FBXL13: variants seen among roughly 807,000 people sequenced by gnomAD.
The protein encoded by FBXL13 is F-box and leucine-rich repeat protein 13.
In FBXL13, 67 loss-of-function variants were observed where a neutral mutation model predicts 83.6. The observed-to-expected ratio is 0.80, with a 90% CI of 0.66 to 0.98. FBXL13 has a LOEUF of 0.98. FBXL13 is among the 50% of genes least tolerant of loss of function. The pLI is 0.00. For synonymous variants in FBXL13, 272 were observed against 299.5 expected, an observed-to-expected ratio of 0.91 and a Z score of 0.95; for missense variants, 822 against 866.5, an observed-to-expected ratio of 0.95 and a Z score of 0.64.
At chr7:102,890,717 C>T (rs532734796) in intron 11 of FBXL13, among the ~76,000 whole-genome samples, 88 of 152,342 alleles carry the variant, frequency 5.8e-4, no homozygotes, top group African/African-American at 2.0e-3. Flanking sequence ...GGGATGATAA[C>T]ATCATATGAA....
chr7:102,915,639 C>T (rs531891614), intron 10 of FBXL13, among the ~76,000 whole-genome samples: 1 of 152,078 alleles, frequency 6.6e-6, no homozygotes, highest in East Asian at 1.9e-4. Context: ...GGTCTCTGGC[C>T]CCTTTCTTGG....
chr7:102,910,535 C>T (rs1418217497), intron 11 of FBXL13, among the ~76,000 whole-genome samples: 1 of 151,964 alleles, frequency 6.6e-6, no homozygotes, highest in Non-Finnish European at 1.5e-5. Context: ...GGGCTCTCAA[C>T]TGTAAATAGC....
At chr7:102,981,626 A>G (rs532431835) in intron 6 of FBXL13, among the ~76,000 whole-genome samples, 3 of 152,320 alleles carry the variant, frequency 2.0e-5, no homozygotes, top group African/African-American at 7.2e-5. Flanking sequence ...GAGGCCTAAG[A>G]TAAAGTCTCC....
downstream of FBXL13, among the ~76,000 whole-genome samples, chr7:102,812,944 G>C (rs1335473668): frequency 6.7e-6 from 1 of 150,024 alleles, no homozygotes; most frequent in African/African-American, 2.5e-5. Flanking sequence ...TCAGGTTCAA[G>C]CAAGTCCCCT....
intron 2 of FBXL13, among the ~76,000 whole-genome samples, chr7:103,034,984 G>C (rs189241252): frequency 6.6e-5 from 10 of 152,308 alleles, no homozygotes; most frequent in Admixed American, 5.9e-4. Context: ...TTTAAGTATT[G>C]CCACAAAGTG....
At chr7:102,948,403 T>G (rs1343985948) in intron 8 of FBXL13, among the ~76,000 whole-genome samples, 1 of 151,944 alleles carries the variant, frequency 6.6e-6, no homozygotes, top group Non-Finnish European at 1.5e-5. Context: ...GTCTGTGCCC[T>G]CATCTGCCTT....
intron 6 of FBXL13, among the ~76,000 whole-genome samples, chr7:102,998,803 CAAATA>C (rs1439141064): frequency 6.6e-6 from 1 of 151,578 alleles, no homozygotes; most frequent in African/African-American, 2.4e-5. Context: ...TCCATCTCTA[CAAATA>C]AAATAATAAC....
chr7:102,822,126 C>T (rs80080521), exon 19 of FBXL13: 7 of 1,614,078 alleles, frequency 4.3e-6, no homozygotes, highest in East Asian at 2.2e-5. Flanking sequence ...GGTCAGTAAG[C>T]AAGACACAAC....
At chr7:102,877,002 T>C (rs1809363356) in intron 16 of FBXL13, among the ~76,000 whole-genome samples, 1 of 152,202 alleles carries the variant, frequency 6.6e-6, no homozygotes, top group African/African-American at 2.4e-5. Context: ...CCCTGATGAA[T>C]ACAATCAGCA....
chr7:102,967,522 C>T (rs1826117347), intron 7 of FBXL13, among the ~76,000 whole-genome samples: 1 of 152,210 alleles, frequency 6.6e-6, no homozygotes, highest in Non-Finnish European at 1.5e-5. Flanking sequence ...ATCTGCCCAC[C>T]TTGACCTTCC....
intron 8 of FBXL13, among the ~76,000 whole-genome samples, chr7:102,935,951 A>G (rs1820222714): frequency 6.6e-6 from 1 of 152,106 alleles, no homozygotes; most frequent in African/African-American, 2.4e-5. Flanking sequence ...GAATTTATTA[A>G]TGTTGTCAGG....
intron 17 of FBXL13, among the ~76,000 whole-genome samples, chr7:102,853,435 A>G (rs1194200557): frequency 1.3e-5 from 2 of 152,204 alleles, no homozygotes; most frequent in African/African-American, 4.8e-5. Flanking sequence ...AAACCTAGGC[A>G]TTACCATTCA....
intron 1 of FBXL13, among the ~76,000 whole-genome samples, chr7:103,071,314 C>T (rs779683851): frequency 2.4e-4 from 37 of 152,092 alleles, no homozygotes; most frequent in Admixed American, 8.5e-4. Flanking sequence ...TTTTCTAAAA[C>T]GGATGAAAAA....
intron 1 of FBXL13, among the ~76,000 whole-genome samples, chr7:103,065,314 T>C (rs1446486783): frequency 6.6e-6 from 1 of 152,238 alleles, no homozygotes; most frequent in African/African-American, 2.4e-5. Flanking sequence ...CATCTATATA[T>C]CTACCCATTT....
intron 6 of FBXL13, chr7:102,978,655 G>A: frequency 4.2e-6 from 1 of 235,858 alleles, no homozygotes; most frequent in South Asian, 6.4e-5. Flanking sequence ...CATTAAAACA[G>A]CGTGTTGCTC....
At chr7:102,938,888 G>A (rs1820842790) in intron 8 of FBXL13, among the ~76,000 whole-genome samples, 1 of 152,146 alleles carries the variant, frequency 6.6e-6, no homozygotes. Context: ...TTTTACCCAG[G>A]ACTGCTGCTG....
At chr7:102,870,789 G>T (rs1031779143) in intron 16 of FBXL13, among the ~76,000 whole-genome samples, 6 of 152,078 alleles carry the variant, frequency 3.9e-5, no homozygotes, top group South Asian at 2.1e-4. Context: ...AGTGGCACTT[G>T]CCTATAGTCC....
chr7:102,877,814 C>T (rs1043183337), intron 15 of FBXL13, among the ~76,000 whole-genome samples: 9 of 152,176 alleles, frequency 5.9e-5, no homozygotes, highest in Non-Finnish European at 1.3e-4. Flanking sequence ...AATTTAGTTT[C>T]GTATTACAAT....
exon 1 of FBXL13, chr7:103,074,363 C>T (rs947698271): frequency 3.3e-5 from 34 of 1,035,188 alleles, no homozygotes; most frequent in Non-Finnish European, 3.9e-5. Flanking sequence ...GCACTTCTTT[C>T]TCACTCCTCC....
Sources: allele counts gnomAD v4.1 joint callset (sites outside exome capture counted in the v4.1 genomes callset), GRCh38; gene constraint gnomAD v4.1.1; transcripts MANE v1.5; gene names NCBI Gene and HGNC (gene_info 2026-07-23, HGNC 2026-07-21).